The following AFF1 variants were observed in gnomAD, a reference collection of about 807,000 sequenced individuals.
AFF1 encodes AF4/FMR2 family member 1.
A neutral mutation model predicts 121.7 loss-of-function variants in AFF1; 48 were observed. The ratio of observed to expected loss-of-function variants is 0.39; its 90% CI spans 0.31 to 0.50. The LOEUF (loss-of-function observed/expected upper bound fraction) is 0.50, where lower values mean the gene tolerates loss of function less well. Among genes scored for constraint, AFF1 ranks in the 20% least tolerant of loss-of-function variants. AFF1 has a pLI of 0.76. For synonymous variants in AFF1, 613 were observed against 563.0 expected (o/e 1.09, Z -1.26); for missense variants, 1,523 against 1,511.7 (o/e 1.01, Z -0.12).
intron 16 of AFF1, among the ~76,000 whole-genome samples, chr4:87,129,286 T>G (rs1337220757): frequency 2.0e-5 from 3 of 152,230 alleles, no homozygotes; most frequent in African/African-American, 7.2e-5. Flanking sequence ...TAGTTACCTA[T>G]CCAACTGAGT....
chr4:87,076,367 T>C (rs1161834125), intron 4 of AFF1, among the ~76,000 whole-genome samples: 1 of 152,224 alleles, frequency 6.6e-6, no homozygotes, highest in Non-Finnish European at 1.5e-5. Context: ...AGTCTTCACA[T>C]GTGGCAGGCA....
At chr4:87,036,808 T>G (rs1238642335) in intron 2 of AFF1, 1 of 515,226 alleles carries the variant, frequency 1.9e-6, no homozygotes, top group Admixed American at 2.0e-5. Context: ...AGCAAGTATC[T>G]GCTTTTTTTC....
At chr4:87,116,910 T>C (rs1269574363) in intron 12 of AFF1, among the ~76,000 whole-genome samples, 3 of 152,270 alleles carry the variant, frequency 2.0e-5, no homozygotes, top group South Asian at 2.1e-4. Context: ...AGGAAAAAGA[T>C]ACCTGCAGCT....
chr4:86,957,360 T>C lies in AFF1; in HGVS notation c.38+8789T>C, dbSNP rs138397475. Among the ~76,000 whole-genome samples the C allele has an allele frequency of 4.1e-3, 625 of 152,312 alleles. 9 individuals are homozygous for C. Among genetic ancestry groups the C allele is most frequent in the African/African-American group, 0.014 (569 of 41,550 alleles). ...AATTTCAGTTCCAGTTTCTCCTGTT[T>C]TGCAGAAGCTGGGGAACCATTATTT... On this transcript the variant is annotated intron_variant, in intron 2 of 20. Transcript: ENST00000395146.
At chr4:86,954,551 C>T (rs572675285) in intron 2 of AFF1, among the ~76,000 whole-genome samples, 5 of 152,246 alleles carry the variant, frequency 3.3e-5, no homozygotes, top group African/African-American at 1.2e-4. Context: ...CATGGTTAAA[C>T]CCTGTCTCTA....
intron 4 of AFF1, among the ~76,000 whole-genome samples, chr4:87,080,826 G>A (rs746783903): frequency 6.6e-6 from 1 of 152,202 alleles, no homozygotes; most frequent in Non-Finnish European, 1.5e-5. Flanking sequence ...GATCTGTCTT[G>A]TAGTTTAAGT....
At chr4:87,025,676 C>G (rs1578093008) in intron 2 of AFF1, among the ~76,000 whole-genome samples, 1 of 152,242 alleles carries the variant, frequency 6.6e-6, no homozygotes, top group Admixed American at 6.5e-5. Flanking sequence ...ACCATCATCT[C>G]AGATAGAGGC....
In AFF1 at chr4:87,038,339, A is replaced by G. The variant is rs572849457; in HGVS notation, c.39-7827A>G. 6.4e-4 allele frequency among the ~76,000 whole-genome samples: 97 copies of G among 152,350 alleles called. 1 individual carries two copies. The South Asian group carries it at 0.02, about 31-fold the overall frequency. On this transcript the variant is annotated intron_variant, in intron 2 of 20. Transcript: ENST00000395146. ...AAAAAAATCTCCCTTCTTTGAAGCA[A>G]CATTTTATCCTGCCTTCAGACATGG...
chr4:87,112,838 ATAAAT>A (rs907703117), intron 11 of AFF1, among the ~76,000 whole-genome samples: 2 of 152,240 alleles, frequency 1.3e-5, no homozygotes, highest in African/African-American at 4.8e-5. Flanking sequence ...GGATCTTTAA[ATAAAT>A]TAGTATTTTT....
chr4:87,131,850 A>C lies in AFF1; in HGVS notation c.3159A>C (p.Ile1053=). 6.3e-7 allele frequency: 1 copy of C among 1,588,648 alleles called. No individual in the cohort carries two copies. Among genetic ancestry groups the C allele is most frequent in the Non-Finnish European group, 8.5e-7 (1 of 1,172,992 alleles). Residue 1053 remains isoleucine (I), a synonymous_variant, in exon 18 of 21, where the codon ATA becomes ATC. Transcript: ENST00000395146. ...CCACAGCGCCAACACAAGAGAAAAT[A>C]TTTGCTGTTTTATGGTGCGTATTTT... The part of the protein sequence containing the change: ...SDATAPTQEK[I]FAVLCMRCQS...
At position 87,127,687 on chromosome 4, in the gene AFF1, A is replaced by G; in HGVS notation, c.2948A>G (p.Gln983Arg). ...ATGAGGGAGGCAAAAAAGATGAAGC[A>G]GAAAGCAGAGTTAATGGTTAGTATT... Reference protein sequence around the residue: ...LHMREAKKMKQKAELMTDRVG... With the variant: ...LHMREAKKMKRKAELMTDRVG... Residue 983 changes from glutamine (Q) to arginine (R), a missense_variant, in exon 16 of 21, where the codon CAG (glutamine) becomes CGG (arginine). Around this residue, in one of 5 missense-constraint regions of AFF1, gnomAD observed 905 missense variants for 842.5 expected, o/e 1.07. Transcript: ENST00000395146. 6.2e-7 allele frequency: 1 copy of G among 1,614,232 alleles called. No individual in the cohort carries two copies. The highest frequency in any genetic ancestry group is 8.5e-7 in the Non-Finnish European group (1 of 1,180,044).
At chr4:87,091,023 A>G (rs1478644766) in intron 6 of AFF1, among the ~76,000 whole-genome samples, 7 of 18,336 alleles carry the variant, frequency 3.8e-4, no homozygotes, top group Non-Finnish European at 1.6e-3. Context: ...TCTACCACCA[A>G]AAAAAAAAAA....
intron 1 of AFF1, chr4:86,936,107 C>G (rs1048651237): frequency 1.3e-5 from 2 of 152,220 alleles, no homozygotes; most frequent in South Asian, 2.1e-4. Flanking sequence ...AATTGTTATG[C>G]AGATCATCCC....
At chr4:87,021,641 A>T (rs543655296) in intron 2 of AFF1, among the ~76,000 whole-genome samples, 1 of 152,334 alleles carries the variant, frequency 6.6e-6, no homozygotes, top group African/African-American at 2.4e-5. Context: ...AGTAAAACAA[A>T]ACTAATTGTA....
At chr4:87,027,902 C>T (rs995811419) in intron 2 of AFF1, among the ~76,000 whole-genome samples, 1 of 143,914 alleles carries the variant, frequency 6.9e-6, no homozygotes, top group East Asian at 2.2e-4. Context: ...TCAAGTGATT[C>T]TCCTGCCTCA....
chr4:87,011,701 AGT>A (rs3035507), intron 2 of AFF1, among the ~76,000 whole-genome samples: 6,788 of 152,310 alleles, frequency 0.045, 490 homozygotes, highest in African/African-American at 0.15. Flanking sequence ...CATTGTAAAC[AGT>A]GTCCTTGACA....
At chr4:87,023,611 A>G (rs1429239370) in intron 2 of AFF1, among the ~76,000 whole-genome samples, 1 of 152,102 alleles carries the variant, frequency 6.6e-6, no homozygotes, top group African/African-American at 2.4e-5. Context: ...CAGTTTACTG[A>G]TTTTCTTCCA....
Position 87,109,127 on chromosome 4 carries a change from T to G in AFF1, c.1533+812T>G, listed in dbSNP as rs1252626986. On this transcript the variant is annotated intron_variant, in intron 11 of 20. Coordinates refer to ENST00000395146, the MANE Select transcript of AFF1 (RefSeq NM_001166693.3). ...AAGGCATGCTTTTCTTTTTGGTGAA[T>G]GAAACCAGCCCACATCGAGAAAATT... is the stretch of plus-strand genomic sequence containing the variant. Among the ~76,000 whole-genome samples, 3 of 152,180 alleles carry G rather than the reference T, an allele frequency of 2.0e-5. No homozygotes were observed. The East Asian group carries it at 5.8e-4, about 29-fold the overall frequency.
At chr4:86,974,420 T>C (rs1186151215) in intron 2 of AFF1, among the ~76,000 whole-genome samples, 1 of 152,172 alleles carries the variant, frequency 6.6e-6, no homozygotes, top group Admixed American at 6.5e-5. Context: ...AGTGCTGGGA[T>C]TATACAGTCT....
Sources: gnomAD v4.1 joint callset for allele counts (sites outside exome capture counted in the v4.1 genomes callset) on GRCh38, gnomAD v4.1.1 for gene constraint, gnomAD v4.1.1 regional missense constraint, MANE v1.5 for transcripts, NCBI Gene and HGNC (gene_info 2026-07-23, HGNC 2026-07-21) for gene names.